Variants in ARHGAP15 observed in about 807,000 individuals in gnomAD.
ARHGAP15 encodes rho GTPase-activating protein 15.
ARHGAP15 carries 51 observed loss-of-function variants against 63.7 expected under a neutral mutation model. The ratio of observed to expected loss-of-function variants is 0.80; its 90% CI spans 0.64 to 1.01. The LOEUF is 1.01. Among genes scored for constraint, ARHGAP15 ranks in the 50% least tolerant of loss-of-function variants. ARHGAP15 has a pLI of 0.00. For missense variants in ARHGAP15, 560 were observed against 564.6 expected (o/e 0.99, Z 0.08); for synonymous variants, 191 against 193.8 (o/e 0.99, Z 0.12).
chr2:143,138,857 T>C (rs1165765365), intron 1 of ARHGAP15, among the ~76,000 whole-genome samples: 1 of 152,108 alleles, frequency 6.6e-6, no homozygotes, highest in Non-Finnish European at 1.5e-5. Context: ...TCATGCTCCA[T>C]TGATTATATT....
intron 6 of ARHGAP15, among the ~76,000 whole-genome samples, chr2:143,418,343 CCT>C (rs1441999487): frequency 6.6e-6 from 1 of 152,132 alleles, no homozygotes; most frequent in Non-Finnish European, 1.5e-5. Flanking sequence ...CTTCTCCAGG[CCT>C]CTCTCAAAAT....
chr2:143,663,189 G>A (rs1268466833), intron 12 of ARHGAP15, among the ~76,000 whole-genome samples: 57 of 132,074 alleles, frequency 4.3e-4, no homozygotes, highest in African/African-American at 1.1e-3. Context: ...CCCTCAAAGG[G>A]AAGCCCATCA....
chr2:143,322,955 G>A (rs1684090616), intron 6 of ARHGAP15, among the ~76,000 whole-genome samples: 1 of 152,150 alleles, frequency 6.6e-6, no homozygotes, highest in East Asian at 1.9e-4. Flanking sequence ...GTCTGTCTTA[G>A]ACTAATGAAA....
At chr2:143,716,029 G>A (rs920787150) in intron 13 of ARHGAP15, among the ~76,000 whole-genome samples, 2 of 152,120 alleles carry the variant, frequency 1.3e-5, no homozygotes, top group Non-Finnish European at 2.9e-5. Context: ...ATGGTGGATG[G>A]GAGGAAGGAG....
chr2:143,719,055 T>G (rs1261877498), intron 13 of ARHGAP15, among the ~76,000 whole-genome samples: 1 of 152,192 alleles, frequency 6.6e-6, no homozygotes, highest in African/African-American at 2.4e-5. Context: ...CTCTTCTTTC[T>G]CATTTCAAAG....
chr2:143,663,946 C>T (rs1681993286), intron 12 of ARHGAP15, among the ~76,000 whole-genome samples: 1 of 152,060 alleles, frequency 6.6e-6, no homozygotes, highest in Non-Finnish European at 1.5e-5. Flanking sequence ...GATTTAGACT[C>T]CCACACATTA....
At chr2:143,513,999 A>G (rs896749135) in intron 9 of ARHGAP15, among the ~76,000 whole-genome samples, 4 of 152,218 alleles carry the variant, frequency 2.6e-5, no homozygotes, top group African/African-American at 9.7e-5. Context: ...TTGCAGGTGC[A>G]TGTGAGAATT....
intron 6 of ARHGAP15, among the ~76,000 whole-genome samples, chr2:143,427,084 C>G (rs1320553770): frequency 1.3e-5 from 2 of 152,146 alleles, no homozygotes; most frequent in Non-Finnish European, 2.9e-5. Flanking sequence ...CTGTACAGCA[C>G]TAAAGCTAAC....
chr2:143,394,363 T>TA (rs768716075), intron 6 of ARHGAP15, among the ~76,000 whole-genome samples: 7 of 152,068 alleles, frequency 4.6e-5, no homozygotes, highest in Admixed American at 1.3e-4. Flanking sequence ...TGGAAAGTTG[T>TA]AAAAAAAGAA....
At chr2:143,602,952 A>G (rs1697831910) in intron 11 of ARHGAP15, among the ~76,000 whole-genome samples, 1 of 152,160 alleles carries the variant, frequency 6.6e-6, no homozygotes, top group Admixed American at 6.5e-5. Context: ...GCCTGACCAA[A>G]TAGGCGTACT....
At chr2:143,366,279 T>G (rs909732712) in intron 6 of ARHGAP15, among the ~76,000 whole-genome samples, 2 of 152,154 alleles carry the variant, frequency 1.3e-5, no homozygotes, top group African/African-American at 4.8e-5. Flanking sequence ...TTTCTGATGT[T>G]AAACCGTTGT....
In ARHGAP15 at chr2:143,711,924, A is replaced by C. The variant is rs1465775707; in HGVS notation, c.1244+8400A>C. On this transcript the variant is annotated intron_variant, in intron 13 of 13. Transcript: ENST00000295095. ...TAGGCAACAAAGCAAGATCGTGTCA[A>C]AAAACAAAAACAAAACAAAACAAAA... 3.3e-5 allele frequency among the ~76,000 whole-genome samples: 5 copies of C among 152,342 alleles called. No homozygotes were observed. The East Asian group carries it at 9.6e-4, about 29-fold the overall frequency.
chr2:143,443,460 G>C (rs1465917943), intron 8 of ARHGAP15, among the ~76,000 whole-genome samples: 2 of 150,204 alleles, frequency 1.3e-5, no homozygotes, highest in African/African-American at 4.9e-5. Context: ...AATAACTAGC[G>C]CCACTCTGGT....
At chr2:143,523,990 G>A (rs1265673201) in intron 10 of ARHGAP15, among the ~76,000 whole-genome samples, 1 of 152,124 alleles carries the variant, frequency 6.6e-6, no homozygotes, top group Non-Finnish European at 1.5e-5. Flanking sequence ...TGCCTCAGCA[G>A]ATGCTAATCA....
At chr2:143,219,968 T>C (rs1244968198) in intron 4 of ARHGAP15, among the ~76,000 whole-genome samples, 1 of 152,230 alleles carries the variant, frequency 6.6e-6, no homozygotes, top group East Asian at 1.9e-4. Context: ...TTTTACATGT[T>C]GTACATATCC....
rs149538778 is a variant in ARHGAP15 at position 143,732,526 on chromosome 2, G to T, written c.1244+29002G>T. Among the ~76,000 whole-genome samples, 97 of 152,228 alleles carry T rather than the reference G, an allele frequency of 6.4e-4. No individual in the cohort carries two copies. The Middle Eastern group carries it at 0.01, about 16-fold the overall frequency. Reference sequence around the variant, plus strand: ...AAGTTCAGAAACGTTTACTGACAGGGTAGAAGTAGGTAGCTCACAACCTCA... The same window carrying T: ...AAGTTCAGAAACGTTTACTGACAGGTTAGAAGTAGGTAGCTCACAACCTCA... On this transcript the variant is annotated intron_variant, in intron 13 of 13. Coordinates refer to ENST00000295095, the MANE Select transcript of ARHGAP15 (RefSeq NM_018460.4).
intron 6 of ARHGAP15, among the ~76,000 whole-genome samples, chr2:143,300,986 T>C (rs1682868489): frequency 6.6e-6 from 1 of 151,994 alleles, no homozygotes; most frequent in African/African-American, 2.4e-5. Flanking sequence ...GACTACACTT[T>C]TTTTTCTATA....
At chr2:143,408,089 C>A (rs1306929550) in intron 6 of ARHGAP15, among the ~76,000 whole-genome samples, 1 of 135,948 alleles carries the variant, frequency 7.4e-6, no homozygotes. Flanking sequence ...AATGTCTGTG[C>A]CTGTGCCTGA....
chr2:143,608,504 T>G (rs1698127445), intron 11 of ARHGAP15: 3 of 152,140 alleles, frequency 2.0e-5, no homozygotes, highest in Admixed American at 6.5e-5. Context: ...TGTAAAGCAA[T>G]AGTTAGTGTA....
Sources: gnomAD v4.1 joint callset for allele counts (sites outside exome capture counted in the v4.1 genomes callset) on GRCh38, gnomAD v4.1.1 for gene constraint, MANE v1.5 for transcripts, NCBI Gene and HGNC (gene_info 2026-07-23, HGNC 2026-07-21) for gene names.